FXN: variants seen among roughly 807,000 people sequenced by gnomAD.
FXN encodes the protein frataxin, mitochondrial.
In FXN, 14 loss-of-function variants were observed where a neutral mutation model predicts 22.4. The ratio of observed to expected loss-of-function variants is 0.62; its 90% CI spans 0.41 to 0.98. The LOEUF (loss-of-function observed/expected upper bound fraction) is 0.98. FXN is among the 50% of genes least tolerant of loss of function. FXN has a pLI of 0.00. For missense variants in FXN, 267 were observed against 268.4 expected (o/e 0.99, Z 0.04); for synonymous variants, 120 against 114.1 (o/e 1.05, Z -0.33).
chr9:69,056,523 A>G (rs1226025342), intron 3 of FXN, among the ~76,000 whole-genome samples: 2 of 152,202 alleles, frequency 1.3e-5, no homozygotes, highest in Non-Finnish European at 2.9e-5. Flanking sequence ...GCTATTTGGT[A>G]GGCTGAAGCA....
In FXN at chr9:69,046,455, G is replaced by A; in HGVS notation, c.236G>A (p.Arg79Lys). 1 of 1,613,924 alleles carries A rather than the reference G, an allele frequency of 6.2e-7. No individual in the cohort carries two copies. The change falls in exon 2 of 5, where the codon AGG becomes AAG. Residue 79 changes from arginine to lysine, a missense_variant. Arg to Lys is a conservative substitution (Grantham distance 26). Transcript: ENST00000484259. Reference sequence around the variant, plus strand: ...CAGAGTGTCTATTTGATGAATTTGAGGAAATCTGGAACTTTGGGCCACCCA... The same window carrying A: ...CAGAGTGTCTATTTGATGAATTTGAAGAAATCTGGAACTTTGGGCCACCCA... ...KKQSVYLMNL[R>K]KSGTLGHPGS...
Position 69,077,490 on chromosome 9 carries a change from C to T in FXN, c.*4728C>T. The T allele has an allele frequency of 1.0e-6, 1 of 985,456 alleles. No individual in the cohort carries two copies. The highest frequency in any genetic ancestry group is 4.7e-5 in the South Asian group (1 of 21,286). 61.0% of individuals were successfully genotyped at this position (985,456 alleles called of 1,614,324 possible). On this transcript the variant is annotated 3_prime_UTR_variant, in exon 5 of 5. Coordinates refer to ENST00000484259, the MANE Select transcript of FXN (RefSeq NM_000144.5). ...CATCAGCACCCAGCAGTAAAATTGG[C>T]TCTCAAAGATTTTCTTCTCCTGTGG...
At chr9:69,061,047 C>A (rs1832063123) in intron 3 of FXN, among the ~76,000 whole-genome samples, 2 of 152,106 alleles carry the variant, frequency 1.3e-5, no homozygotes, top group African/African-American at 4.8e-5. Context: ...AAGTTGACTG[C>A]AGAGAAGGTG....
In FXN at chr9:69,076,754, G is replaced by A; in HGVS notation, c.*3992G>A. 1 of 985,368 alleles carries A rather than the reference G, an allele frequency of 1.0e-6. No individual in the cohort carries two copies. Among genetic ancestry groups the A allele is most frequent in the South Asian group, 4.7e-5 (1 of 21,284 alleles). The allele number at this position is 985,368 out of a possible 1,614,324, so 61.0% of individuals were successfully genotyped here. On this transcript the variant is annotated 3_prime_UTR_variant, in exon 5 of 5. Coordinates refer to ENST00000484259, the MANE Select transcript of FXN (RefSeq NM_000144.5). ...TAAGATGAAAGTAATTTTAGTCCGT[G>A]TCCAGTTGGATTCTTGGCACATAGT...
intron 3 of FXN, among the ~76,000 whole-genome samples, chr9:69,064,016 A>G (rs1373461485): frequency 6.6e-6 from 1 of 152,194 alleles, no homozygotes; most frequent in Non-Finnish European, 1.5e-5. Flanking sequence ...GTGTGTTATA[A>G]GAATCATTCA....
At chr9:69,068,481 G>A (rs1832215021) in intron 4 of FXN, among the ~76,000 whole-genome samples, 1 of 152,250 alleles carries the variant, frequency 6.6e-6, no homozygotes, top group African/African-American at 2.4e-5. Flanking sequence ...CCACTGGCAA[G>A]TGGAGGCAGA....
Position 69,035,905 on chromosome 9 carries a change from C to T in FXN, c.123C>T (p.Gly41=), listed in dbSNP as rs1057519131. ...TGGCCCCACTCTGCGGCCGCCGTGG[C>T]CTGCGCACCGACATCGATGCGACCT... ...AELAPLCGRR[G]LRTDIDATCT... is the part of the protein sequence containing the mutation. Residue 41 remains glycine, a synonymous_variant, in exon 1 of 5, where the codon GGC becomes GGT. Coordinates refer to ENST00000484259, the MANE Select transcript of FXN (RefSeq NM_000144.5). 31 of 1,482,872 alleles carry T rather than the reference C, an allele frequency of 2.1e-5. No individual in the cohort carries two copies. Among genetic ancestry groups the T allele is most frequent in the Non-Finnish European group, 2.8e-5 (31 of 1,123,138 alleles). The allele number at this position is 1,482,872 out of a possible 1,614,324, so 91.9% of individuals were successfully genotyped here. A position where few individuals can be genotyped will look rare whatever the true frequency, so the allele number is the denominator to read the frequency against.
Position 69,074,832 on chromosome 9 carries a change from G to T in FXN, c.*2070G>T. ...TGAAATAAAATTATTTTTTGAGTCT[G>T]ATGGAAATGTTTAAGTGCAGTAGGC... On this transcript the variant is annotated 3_prime_UTR_variant, in exon 5 of 5. Transcript: ENST00000484259. 1 of 975,802 alleles carries T rather than the reference G, an allele frequency of 1.0e-6. No homozygotes were observed. Among genetic ancestry groups the T allele is most frequent in the Non-Finnish European group, 1.2e-6 (1 of 821,210 alleles). The allele number at this position is 975,802 out of a possible 1,614,324, so 60.4% of individuals were successfully genotyped here. A position where few individuals can be genotyped will look rare whatever the true frequency, so the allele number is the denominator to read the frequency against.
intron 3 of FXN, among the ~76,000 whole-genome samples, chr9:69,053,826 A>G (rs1020321537): frequency 6.6e-6 from 1 of 152,174 alleles, no homozygotes; most frequent in African/African-American, 2.4e-5. Flanking sequence ...TGAGACAGTG[A>G]TGGGGTAGGT....
chr9:69,048,613 GAAAA>G (rs914460067), intron 2 of FXN, among the ~76,000 whole-genome samples: 1 of 146,000 alleles, frequency 6.8e-6, no homozygotes, highest in African/African-American at 2.5e-5. Flanking sequence ...CTAAAAAAAA[GAAAA>G]AAAAAAGGCC....
chr9:69,057,123 A>G (rs957721597), intron 3 of FXN, among the ~76,000 whole-genome samples: 5 of 152,292 alleles, frequency 3.3e-5, no homozygotes, highest in Middle Eastern at 3.4e-3. Context: ...GGGGAAAAAA[A>G]ACTAATGGCA....
intron 1 of FXN, among the ~76,000 whole-genome samples, chr9:69,040,484 C>G (rs1193538943): frequency 6.6e-6 from 1 of 151,930 alleles, no homozygotes; most frequent in Non-Finnish European, 1.5e-5. Context: ...CTGGCTAATA[C>G]GATGAAACCC....
At chr9:69,071,683 A>C (rs1832277701) in intron 4 of FXN, among the ~76,000 whole-genome samples, 1 of 152,208 alleles carries the variant, frequency 6.6e-6, no homozygotes, top group Non-Finnish European at 1.5e-5. Flanking sequence ...CAGGCTCTCA[A>C]TGTCATGAAT....
chr9:69,041,970 C>T (rs190125024), intron 1 of FXN, among the ~76,000 whole-genome samples: 12 of 152,250 alleles, frequency 7.9e-5, no homozygotes, highest in Middle Eastern at 3.4e-3. Flanking sequence ...TGGCCAGGTG[C>T]GGTGGCTTAC....
chr9:69,049,486 G>T (rs1182276657), intron 2 of FXN, among the ~76,000 whole-genome samples: 2 of 152,180 alleles, frequency 1.3e-5, no homozygotes, highest in African/African-American at 4.8e-5. Context: ...ATGTCTTACA[G>T]TAATTGTCTA....
In FXN at chr9:69,076,799, C is replaced by G; in HGVS notation, c.*4037C>G. The G allele has an allele frequency of 1.0e-6, 1 of 985,482 alleles. No individual in the cohort carries two copies. Among genetic ancestry groups the G allele is most frequent in the Non-Finnish European group, 1.2e-6 (1 of 829,954 alleles). 61.0% of individuals were successfully genotyped at this position (985,482 alleles called of 1,614,324 possible). A position where few individuals can be genotyped will look rare whatever the true frequency, so the allele number is the denominator to read the frequency against. The stretch of plus-strand genomic sequence containing the variant: ...CATAGTTATCTTCTGCTAGAACAAA[C>G]TAAAACAGCTACATGCCAGCAAGGG... On this transcript the variant is annotated 3_prime_UTR_variant, in exon 5 of 5. Transcript: ENST00000484259.
intron 4 of FXN, among the ~76,000 whole-genome samples, chr9:69,066,999 G>A (rs1040574201): frequency 1.3e-5 from 2 of 152,186 alleles, no homozygotes; most frequent in African/African-American, 2.4e-5. Context: ...CCCTTCCTGC[G>A]CCGTTTCCGG....
chr9:69,048,788 T>C (rs1448071555), intron 2 of FXN, among the ~76,000 whole-genome samples: 1 of 152,112 alleles, frequency 6.6e-6, no homozygotes, highest in African/African-American at 2.4e-5. Context: ...AGCTATATGC[T>C]CAGTAGGCAT....
chr9:69,065,293 C>G (rs1422857676), intron 4 of FXN, among the ~76,000 whole-genome samples: 1 of 152,162 alleles, frequency 6.6e-6, no homozygotes, highest in Non-Finnish European at 1.5e-5. Flanking sequence ...GTAATCCCAG[C>G]ACTTTGGGAG....
Sources: gnomAD v4.1 joint callset for allele counts (sites outside exome capture counted in the v4.1 genomes callset) on GRCh38, gnomAD v4.1.1 for gene constraint, MANE v1.5 for transcripts, NCBI Gene and HGNC (gene_info 2026-07-23, HGNC 2026-07-21) for gene names.